Variants in GRIP1 observed in about 807,000 individuals in gnomAD.
The protein encoded by GRIP1 is glutamate receptor interacting protein 1, also known as glutamate receptor-interacting protein 1.
GRIP1 carries 45 observed loss-of-function variants against 129.9 expected under a neutral mutation model. The ratio of observed to expected loss-of-function variants is 0.35; its 90% CI spans 0.27 to 0.44. The LOEUF (loss-of-function observed/expected upper bound fraction) is 0.44. Ranked by LOEUF, GRIP1 falls within the 20% of genes least tolerant of loss-of-function variation. The probability of loss-of-function intolerance (pLI) is 1.00; values close to 1 mark genes in which losing one functional copy is unlikely to be tolerated. For missense variants in GRIP1, 1,196 were observed against 1,396.8 expected, an observed-to-expected ratio of 0.86 and a Z score of 2.29; for synonymous variants, 530 against 520.8, an observed-to-expected ratio of 1.02 and a Z score of -0.24.
chr12:66,950,018 C>T (rs2041731931), intron 1 of GRIP1, among the ~76,000 whole-genome samples: 1 of 151,746 alleles, frequency 6.6e-6, no homozygotes, highest in Non-Finnish European at 1.5e-5. Context: ...CCTCGTGATC[C>T]ACCCATTTTG....
chr12:66,760,262 C>T (rs1044868072), intron 1 of GRIP1, among the ~76,000 whole-genome samples: 7 of 152,172 alleles, frequency 4.6e-5, no homozygotes, highest in African/African-American at 1.7e-4. Context: ...CAACCTCTGC[C>T]TGTTACCCAG....
intron 1 of GRIP1, among the ~76,000 whole-genome samples, chr12:67,007,146 T>G (rs750366851): frequency 6.6e-6 from 1 of 152,196 alleles, no homozygotes; most frequent in African/African-American, 2.4e-5. Context: ...ACAGTGGTGA[T>G]GGGCAGAGGG....
In GRIP1 at chr12:66,353,820, G is replaced by A. The variant is rs1012724325; in HGVS notation, c.3013-257C>T. On this transcript the variant is annotated intron_variant, in intron 23 of 24. Coordinates refer to ENST00000359742, the MANE Select transcript of GRIP1 (RefSeq NM_001366722.1). ...GGTCCTCCCTCCCTCCTTTTCAGTC[G>A]TCATCAGGGGGATATAGGAGAGAAC... Among the ~76,000 whole-genome samples the A allele has an allele frequency of 7.9e-5, 12 of 152,114 alleles. No individual in the cohort carries two copies. The East Asian group carries it at 1.7e-3, about 22-fold the overall frequency.
At chr12:66,691,555 G>A (rs1326848914) in intron 1 of GRIP1, among the ~76,000 whole-genome samples, 2 of 152,042 alleles carry the variant, frequency 1.3e-5, no homozygotes, top group South Asian at 2.1e-4. Context: ...GGTTGCCTAC[G>A]TTATCAAGCC....
At chr12:66,978,634 T>C (rs2042190979) in intron 1 of GRIP1, among the ~76,000 whole-genome samples, 1 of 152,174 alleles carries the variant, frequency 6.6e-6, no homozygotes, top group South Asian at 2.1e-4. Context: ...AGATTAGCTG[T>C]CTTCTTTTTG....
At chr12:67,060,450 T>G (rs2043512416) in intron 1 of GRIP1, among the ~76,000 whole-genome samples, 1 of 152,220 alleles carries the variant, frequency 6.6e-6, no homozygotes, top group African/African-American at 2.4e-5. Context: ...TTTGGCTTTG[T>G]GGTTGTACGA....
At chr12:67,025,623 G>C (rs1592483918) in intron 1 of GRIP1, among the ~76,000 whole-genome samples, 1 of 152,056 alleles carries the variant, frequency 6.6e-6, no homozygotes, top group Non-Finnish European at 1.5e-5. Flanking sequence ...TCATGGACTT[G>C]AATTTCTAAG....
chr12:66,492,935 G>A (rs11176231), intron 7 of GRIP1, among the ~76,000 whole-genome samples: 11,229 of 152,078 alleles, frequency 0.074, 937 homozygotes, highest in East Asian at 0.21. Flanking sequence ...GCTTGAACTC[G>A]GAAGGCGGAG....
At chr12:66,916,381 C>T (rs962663595) in intron 1 of GRIP1, among the ~76,000 whole-genome samples, 3 of 152,078 alleles carry the variant, frequency 2.0e-5, no homozygotes, top group African/African-American at 7.2e-5. Context: ...TGCTCCCTTC[C>T]GCCCACACAC....
At chr12:66,832,161 G>T (rs2039531272) in intron 1 of GRIP1, among the ~76,000 whole-genome samples, 1 of 152,108 alleles carries the variant, frequency 6.6e-6, no homozygotes, top group African/African-American at 2.4e-5. Flanking sequence ...AATATCAAGA[G>T]GTCATTCAGT....
rs546324311 is a variant in GRIP1, at chr12:66,533,368, G to A, written c.419-3454C>T. Reference sequence around the variant, plus strand: ...GCTTTTAATACATAAATATCAGGCCGGGCGTGGTGGCTCATGCCTGTAATC... The same window carrying A: ...GCTTTTAATACATAAATATCAGGCCAGGCGTGGTGGCTCATGCCTGTAATC... On this transcript the variant is annotated intron_variant, in intron 4 of 24. Coordinates refer to ENST00000359742, the MANE Select transcript of GRIP1 (RefSeq NM_001366722.1). Among the ~76,000 whole-genome samples, 27 of 151,780 alleles carry A rather than the reference G, an allele frequency of 1.8e-4. 1 individual carries two copies. The highest frequency in any genetic ancestry group is 3.4e-3 in the Middle Eastern group (1 of 292).
At chr12:66,972,593 C>T (rs1396642773) in intron 1 of GRIP1, among the ~76,000 whole-genome samples, 3 of 152,174 alleles carry the variant, frequency 2.0e-5, no homozygotes, top group Non-Finnish European at 4.4e-5. Flanking sequence ...TGGTGGACCA[C>T]CTAGCTCTAA....
At chr12:66,947,813 A>G (rs1178351587) in intron 1 of GRIP1, among the ~76,000 whole-genome samples, 4 of 152,250 alleles carry the variant, frequency 2.6e-5, no homozygotes, top group Non-Finnish European at 5.9e-5. Context: ...TCAATAACCA[A>G]GTACAAGACA....
intron 1 of GRIP1, among the ~76,000 whole-genome samples, chr12:66,649,099 A>G (rs1399167382): frequency 1.3e-5 from 2 of 152,222 alleles, no homozygotes; most frequent in Non-Finnish European, 2.9e-5. Context: ...GCAATAGCTT[A>G]AAAAAAGAAT....
At chr12:66,593,945 G>A (rs1175021606) in intron 2 of GRIP1, among the ~76,000 whole-genome samples, 1 of 151,798 alleles carries the variant, frequency 6.6e-6, no homozygotes, top group Non-Finnish European at 1.5e-5. Context: ...GTGGATGCCT[G>A]TAGTCCCAGC....
chr12:66,801,211 G>A (rs1982662), intron 1 of GRIP1, among the ~76,000 whole-genome samples: 26,125 of 151,860 alleles, frequency 0.17, 2,482 homozygotes, highest in East Asian at 0.44. Context: ...AGAAATGTTT[G>A]GTGACTTACC....
intron 2 of GRIP1, among the ~76,000 whole-genome samples, chr12:66,580,542 A>G (rs2139604644): frequency 6.6e-6 from 1 of 152,098 alleles, no homozygotes; most frequent in Admixed American, 6.5e-5. Flanking sequence ...ACATAGGCTC[A>G]AAATAAAAGG....
At chr12:66,602,884 G>A (rs11176311) in intron 1 of GRIP1, among the ~76,000 whole-genome samples, 40,227 of 122,594 alleles carry the variant, frequency 0.33, 6,938 homozygotes, top group Non-Finnish European at 0.37. Flanking sequence ...TTTGAGATAG[G>A]GTCTCACTCT....
chr12:66,669,146 C>T (rs1294733619), intron 1 of GRIP1, among the ~76,000 whole-genome samples: 1 of 152,120 alleles, frequency 6.6e-6, no homozygotes, highest in East Asian at 1.9e-4. Flanking sequence ...GGCATGGTGG[C>T]TCACACCTGT....
Sources: allele counts gnomAD v4.1 joint callset (sites outside exome capture counted in the v4.1 genomes callset), GRCh38; gene constraint gnomAD v4.1.1; transcripts MANE v1.5; gene names NCBI Gene and HGNC (gene_info 2026-07-23, HGNC 2026-07-21).